The following MGME1 variants were observed in gnomAD, a reference collection of about 807,000 sequenced individuals.
MGME1 encodes the protein chromosome 20 open reading frame 72.
Under a neutral mutation model 33.0 loss-of-function variants are expected in MGME1, and 22 were observed. The observed-to-expected ratio is 0.67, with a 90% CI of 0.48 to 0.95. The LOEUF (loss-of-function observed/expected upper bound fraction) is 0.95. Among genes scored for constraint, MGME1 ranks in the 40% least tolerant of loss-of-function variants. MGME1 has a pLI of 0.00. For missense variants in MGME1, 383 were observed against 397.8 expected, an observed-to-expected ratio of 0.96 and a Z score of 0.32; for synonymous variants, 133 against 144.0, an observed-to-expected ratio of 0.92 and a Z score of 0.55.
At chr20:17,974,435 G>GA (rs1204003669) in intron 2 of MGME1, among the ~76,000 whole-genome samples, 1 of 152,118 alleles carries the variant, frequency 6.6e-6, no homozygotes, top group Non-Finnish European at 1.5e-5. Flanking sequence ...AACGAGCACT[G>GA]AAAATGAGGA....
chr20:17,975,943 C>A, intron 3 of MGME1, 40 bp downstream of exon 3: 1 of 1,476,476 alleles, frequency 6.8e-7, no homozygotes, highest in Non-Finnish European at 9.5e-7. Context: ...CAGCGTAGGA[C>A]AGATGGTGCC....
intron 2 of MGME1, among the ~76,000 whole-genome samples, chr20:17,971,067 A>G (rs572647717): frequency 3.2e-4 from 48 of 152,332 alleles, no homozygotes; most frequent in Non-Finnish European, 8.8e-5. Context: ...CCTTTACCCA[A>G]GCTTCCCAAA....
intron 2 of MGME1, among the ~76,000 whole-genome samples, chr20:17,971,761 A>C (rs2035733837): frequency 6.6e-6 from 1 of 151,922 alleles, no homozygotes; most frequent in African/African-American, 2.4e-5. Flanking sequence ...TTCTCAGTTA[A>C]CTCAGTAGCA....
At chr20:17,979,480 C>T (rs887617612) in intron 3 of MGME1, among the ~76,000 whole-genome samples, 4 of 149,196 alleles carry the variant, frequency 2.7e-5, no homozygotes, top group African/African-American at 9.9e-5. Flanking sequence ...GGCGCGATCT[C>T]GGCTCACTGC....
chr20:17,972,176 C>T (rs1251737791), intron 2 of MGME1, among the ~76,000 whole-genome samples: 1 of 152,078 alleles, frequency 6.6e-6, no homozygotes, highest in Non-Finnish European at 1.5e-5. Flanking sequence ...GGATCCCAAA[C>T]CCAAGAAGGT....
chr20:17,987,460 G>A (rs898124456), intron 3 of MGME1, among the ~76,000 whole-genome samples: 5 of 151,906 alleles, frequency 3.3e-5, no homozygotes, highest in South Asian at 2.1e-4. Context: ...AAAAAAAGAC[G>A]TAAAATATCC....
In MGME1 at chr20:17,969,968, C is replaced by T. The variant is rs1276730948; in HGVS notation, c.109C>T (p.Arg37Trp). The T allele has an allele frequency of 1.5e-5, 24 of 1,613,870 alleles. No individual in the cohort carries two copies. Among genetic ancestry groups the T allele is most frequent in the Non-Finnish European group, 1.9e-5 (23 of 1,180,010 alleles). Residue 37 changes from arginine (R) to tryptophan (W), a missense_variant, in exon 2 of 5, where the codon CGG becomes TGG. Transcript: ENST00000377710. The part of the protein sequence containing the change: ...AFSTSSYSCG[R>W]KKKVNPYEEV... ...CTCTACTTCCTCTTACTCATGTGGC[C>T]GGAAGAAAAAAGTGAACCCATATGA... is the stretch of plus-strand genomic sequence containing the variant.
rs1030591337 is a variant in MGME1, at chr20:17,969,021, C to T, written c.-180C>T. On this transcript the variant is annotated 5_prime_UTR_variant, in exon 1 of 5. Coordinates refer to ENST00000377710, the MANE Select transcript of MGME1 (RefSeq NM_052865.4). ...TGGGGCGTGAGCGCCGCGGGGCATT[C>T]TGGACCTGCTTTGCCTTAGGCTGTG... The T allele has an allele frequency of 2.0e-5, 3 of 153,630 alleles. No homozygotes were observed. Among genetic ancestry groups the T allele is most frequent in the African/African-American group, 7.2e-5 (3 of 41,490 alleles). 9.5% of individuals were successfully genotyped at this position (153,630 alleles called of 1,614,324 possible).
At chr20:17,974,654 AC>A (rs1474941099) in intron 2 of MGME1, among the ~76,000 whole-genome samples, 1 of 152,186 alleles carries the variant, frequency 6.6e-6, no homozygotes. Context: ...GTGTCCTCCT[AC>A]AAGCCATAAA....
chr20:17,975,735 C>A lies in MGME1; in HGVS notation c.563C>A (p.Ser188Ter). 6.2e-7 allele frequency: 1 copy of A among 1,613,942 alleles called. No homozygotes were observed. The change falls in exon 3 of 5, where the codon TCA (serine) becomes TAA (stop). Residue 188 changes from serine (S) to a stop codon, truncating the protein, a stop_gained. Transcript: ENST00000377710. LOFTEE classifies it high-confidence loss of function. The stretch of plus-strand genomic sequence containing the variant: ...CACGAAGCCTTGGAAAGCATACTTT[C>A]ACCCCAGGAAACCTTAAAAGAGAGA... ...RFHEALESIL[S>*]PQETLKERDE...
rs1466060784 is a variant in MGME1, at chr20:17,969,865, GATGAAGTTATTTCAGACC to G, written c.9_26del (p.Met3_Thr8del). On this transcript the variant is annotated inframe_deletion, in exon 2 of 5. Transcript: ENST00000377710. ...TAAAGTGAAAACAAATCTGAATGAA[GATGAAGTTATTTCAGACC>G]ATTTGCAGGCAGCTCAGGAGTTCAA... 2 of 1,604,518 alleles carry G rather than the reference GATGAAGTTATTTCAGACC, an allele frequency of 1.2e-6. No homozygotes were observed. The highest frequency in any genetic ancestry group is 2.2e-5 in the South Asian group (2 of 89,822).
intron 2 of MGME1, among the ~76,000 whole-genome samples, chr20:17,971,377 A>T (rs2035725369): frequency 6.6e-6 from 1 of 152,224 alleles, no homozygotes. Flanking sequence ...AAGATAGTTA[A>T]TTAGTAGCAA....
intron 2 of MGME1, 112 bp from the exon 3 acceptor site, chr20:17,975,569 GAAA>G (rs963517043): frequency 1.5e-6 from 1 of 679,764 alleles, no homozygotes; most frequent in Non-Finnish European, 2.4e-6. Context: ...AAAAAAAAAA[GAAA>G]AAAAAATGTC....
chr20:17,970,406 T>A (rs753759895), intron 2 of MGME1, 36 bp downstream of exon 2: 1 of 1,561,810 alleles, frequency 6.4e-7, no homozygotes, highest in Non-Finnish European at 8.6e-7. Context: ...ATGTTTGCTA[T>A]GTTTTCTATA....
At chr20:17,976,154 C>T (rs1004842177) in intron 3 of MGME1, among the ~76,000 whole-genome samples, 5 of 152,150 alleles carry the variant, frequency 3.3e-5, no homozygotes, top group Non-Finnish European at 7.3e-5. Context: ...TGTTTTGAGA[C>T]GGAGTGTCAC....
At position 17,976,611 on chromosome 20, in the gene MGME1, A is replaced by C. The variant is rs563862311; in HGVS notation, c.731+708A>C. On this transcript the variant is annotated intron_variant, in intron 3 of 4. Coordinates refer to ENST00000377710, the MANE Select transcript of MGME1 (RefSeq NM_052865.4). ...GGCTTCCAGGCAGTGCTTGACATGG[A>C]TCAGAGATCTGAACTTACTAAAGCT... Among the ~76,000 whole-genome samples, 4 of 152,272 alleles carry C rather than the reference A, an allele frequency of 2.6e-5. No individual in the cohort carries two copies. In the East Asian group the frequency reaches 5.8e-4, roughly 22 times the overall value.
intron 3 of MGME1, among the ~76,000 whole-genome samples, chr20:17,986,173 A>G (rs2036149674): frequency 6.6e-6 from 1 of 151,968 alleles, no homozygotes; most frequent in Non-Finnish European, 1.5e-5. Context: ...GGTTCAAGTA[A>G]TTCTCCTGCC....
chr20:17,988,642 G>A (rs1362089948), intron 4 of MGME1, among the ~76,000 whole-genome samples: 1 of 110,712 alleles, frequency 9.0e-6, no homozygotes. Context: ...ACTCCATCTC[G>A]AATCTGTCTC....
In MGME1 at chr20:17,975,833, G is replaced by A; in HGVS notation, c.661G>A (p.Ala221Thr). The A allele has an allele frequency of 6.2e-7, 1 of 1,614,178 alleles. No homozygotes were observed. Among genetic ancestry groups the A allele is most frequent in the Non-Finnish European group, 8.5e-7 (1 of 1,180,032 alleles). The part of the protein sequence containing the change: ...HILKDVSGVR[A>T]LESAVQHETL... ...TCTGAAAGATGTCAGTGGAGTGCGAGCTCTTGAAAGTGCTGTTCAACATGA... is the reference window on the plus strand; with the variant it reads ...TCTGAAAGATGTCAGTGGAGTGCGAACTCTTGAAAGTGCTGTTCAACATGA... Residue 221 changes from alanine to threonine, a missense_variant, in exon 3 of 5, where the codon GCT (alanine) becomes ACT (threonine). Coordinates refer to ENST00000377710, the MANE Select transcript of MGME1 (RefSeq NM_052865.4).
Sources: allele counts gnomAD v4.1 joint callset (sites outside exome capture counted in the v4.1 genomes callset), GRCh38; gene constraint gnomAD v4.1.1; transcripts MANE v1.5; gene names NCBI Gene and HGNC (gene_info 2026-07-23, HGNC 2026-07-21).